The following PDE1C variants were observed in gnomAD, a reference collection of about 807,000 sequenced individuals.
PDE1C encodes phosphodiesterase 1C.
In PDE1C, 62 loss-of-function variants were observed where a neutral mutation model predicts 93.1. That is an observed-to-expected ratio of 0.67 (90% CI 0.54 to 0.82). The LOEUF is 0.82. PDE1C is among the 40% of genes least tolerant of loss of function. PDE1C has a pLI of 0.00. For synonymous variants in PDE1C, 325 were observed against 310.1 expected, an observed-to-expected ratio of 1.05 and a Z score of -0.50; for missense variants, 742 against 884.6, an observed-to-expected ratio of 0.84 and a Z score of 2.04.
intron 1 of PDE1C, among the ~76,000 whole-genome samples, chr7:32,422,130 T>C (rs1785443500): frequency 6.6e-6 from 1 of 152,120 alleles, no homozygotes; most frequent in African/African-American, 2.4e-5. Context: ...CCCATTACAG[T>C]GCATTCTCAT....
At chr7:31,739,626 C>T in the PDE1C span, among the ~76,000 whole-genome samples, 1 of 152,138 alleles carries the variant, frequency 6.6e-6, no homozygotes, top group Admixed American at 6.6e-5. Flanking sequence ...CATGGAGCTA[C>T]AGAATAAGTT....
chr7:32,235,417 C>CAA (rs35521570), intron 1 of PDE1C, among the ~76,000 whole-genome samples: 261 of 146,602 alleles, frequency 1.8e-3, no homozygotes, highest in African/African-American at 5.7e-3. Flanking sequence ...AAGGAATCTA[C>CAA]AAAAAAAAAA....
In PDE1C at chr7:32,226,701, T is replaced by C. The variant is rs144344621; in HGVS notation, c.86-17162A>G. 4.6e-3 allele frequency among the ~76,000 whole-genome samples: 702 copies of C among 152,278 alleles called. 5 individuals are homozygous for C. Among genetic ancestry groups the C allele is most frequent in the African/African-American group, 0.016 (678 of 41,548 alleles). The stretch of plus-strand genomic sequence containing the variant: ...TGGTTGGAGACCATGCCCACTGCAG[T>C]GTCTAGCACGTAGGAAGCACGCAGT... On this transcript the variant is annotated intron_variant, in intron 1 of 18. Transcript: ENST00000396193.
chr7:31,899,055 A>G (rs1284881091), intron 2 of PDE1C, among the ~76,000 whole-genome samples: 1 of 151,314 alleles, frequency 6.6e-6, no homozygotes, highest in Non-Finnish European at 1.5e-5. Context: ...TAATTCATGC[A>G]GCCTGGCATC....
At chr7:32,010,150 T>C (rs1405579281) in intron 2 of PDE1C, among the ~76,000 whole-genome samples, 2 of 152,210 alleles carry the variant, frequency 1.3e-5, no homozygotes, top group Non-Finnish European at 2.9e-5. Flanking sequence ...ACAAACTGAT[T>C]CTAAAATTCA....
At position 32,387,071 on chromosome 7, in the gene PDE1C, A is replaced by G. The variant is rs921246824; in HGVS notation, c.310+40751T>C. Among the ~76,000 whole-genome samples, 72 of 151,294 alleles carry G rather than the reference A, an allele frequency of 4.8e-4. 1 individual carries two copies. Among genetic ancestry groups the G allele is most frequent in the Non-Finnish European group, 1.8e-4 (12 of 67,868 alleles). ...GGGTACTTAAGATTAGGGAGTGGTG[A>G]TGACTCTTAACGAGCATGCTGCCTT... On this transcript the variant is annotated intron_variant, in intron 1 of 1. Coordinates refer to the PDE1C transcript ENST00000672256.
intron 2 of PDE1C, among the ~76,000 whole-genome samples, chr7:31,970,312 A>G (rs1021003821): frequency 2.0e-5 from 3 of 152,288 alleles, no homozygotes; most frequent in African/African-American, 7.2e-5. Flanking sequence ...GGATATCTTT[A>G]TGTCGAGCCC....
At chr7:31,887,081 G>A (rs1026758060) in intron 2 of PDE1C, among the ~76,000 whole-genome samples, 7 of 152,152 alleles carry the variant, frequency 4.6e-5, no homozygotes, top group Non-Finnish European at 1.0e-4. Context: ...CATAGTGAGT[G>A]AGATGGAAAA....
the PDE1C span, chr7:31,652,858 A>G: frequency 9.4e-6 from 15 of 1,597,196 alleles, no homozygotes; most frequent in East Asian, 3.4e-4. Context: ...ACCTTCATAC[A>G]AAATATAAAG....
chr7:32,112,844 G>GTA (rs1227112323), intron 3 of PDE1C, among the ~76,000 whole-genome samples: 2 of 54,140 alleles, frequency 3.7e-5, no homozygotes, highest in Non-Finnish European at 8.1e-5. Context: ...GTGTGTGTGT[G>GTA]TGTATATATA....
At chr7:32,324,140 A>C (rs1217454371) in intron 1 of PDE1C, among the ~76,000 whole-genome samples, 1 of 152,210 alleles carries the variant, frequency 6.6e-6, no homozygotes. Context: ...AATGTCCATA[A>C]ACAAAGTTTT....
intron 3 of PDE1C, among the ~76,000 whole-genome samples, chr7:32,100,980 A>T (rs1014902494): frequency 6.7e-6 from 1 of 150,050 alleles, no homozygotes; most frequent in Non-Finnish European, 1.5e-5. Context: ...GACCCATTGA[A>T]TGTTTTGGTC....
At chr7:31,876,532 C>T (rs949049652) in intron 5 of PDE1C, among the ~76,000 whole-genome samples, 5 of 152,144 alleles carry the variant, frequency 3.3e-5, no homozygotes, top group Non-Finnish European at 7.4e-5. Context: ...CCAGTATACC[C>T]TCTTGTATTT....
chr7:31,719,242 C>T, the PDE1C span, among the ~76,000 whole-genome samples: 6 of 152,210 alleles, frequency 3.9e-5, no homozygotes, highest in Non-Finnish European at 8.8e-5. Flanking sequence ...TCCCAGCCAT[C>T]CCTAGTACTC....
At chr7:31,919,000 A>AAAT (rs1361595285) in intron 2 of PDE1C, among the ~76,000 whole-genome samples, 2 of 152,224 alleles carry the variant, frequency 1.3e-5, no homozygotes, top group East Asian at 3.8e-4. Flanking sequence ...GGTTACGTGC[A>AAAT]AATAATAATA....
the PDE1C span, among the ~76,000 whole-genome samples, chr7:31,660,008 C>T: frequency 6.6e-6 from 1 of 152,126 alleles, no homozygotes; most frequent in Non-Finnish European, 1.5e-5. Flanking sequence ...AGTGAGTTCT[C>T]ATGAAATCTC....
the PDE1C span, among the ~76,000 whole-genome samples, chr7:31,659,319 C>A: frequency 6.6e-6 from 1 of 152,130 alleles, no homozygotes; most frequent in African/African-American, 2.4e-5. Context: ...AGCTGTTGAG[C>A]CTTGTGAACT....
intron 3 of PDE1C, among the ~76,000 whole-genome samples, chr7:32,087,552 G>A (rs1389801556): frequency 1.1e-4 from 17 of 152,216 alleles, no homozygotes; most frequent in African/African-American, 1.9e-4. Context: ...ACATGCACAC[G>A]TATGTTTATT....
the PDE1C span, among the ~76,000 whole-genome samples, chr7:31,625,377 G>A: frequency 1.3e-5 from 2 of 152,010 alleles, no homozygotes; most frequent in South Asian, 2.1e-4. Context: ...CAACCCAAAT[G>A]TCCAACAATG....
Sources: allele counts gnomAD v4.1 joint callset (sites outside exome capture counted in the v4.1 genomes callset), GRCh38; gene constraint gnomAD v4.1.1; transcripts MANE v1.5; gene names NCBI Gene and HGNC (gene_info 2026-07-23, HGNC 2026-07-21).